POLA1: variants seen among roughly 807,000 people sequenced by gnomAD.
The protein encoded by POLA1 is DNA polymerase alpha catalytic subunit.
In POLA1, 15 loss-of-function variants were observed where a neutral mutation model predicts 124.0. That is an observed-to-expected ratio of 0.12 (90% CI 0.08 to 0.19). The LOEUF is 0.19. POLA1 is among the 10% of genes least tolerant of loss of function. POLA1 has a pLI of 1.00. For synonymous variants in POLA1, 408 were observed against 389.4 expected (o/e 1.05, Z -0.56); for missense variants, 886 against 1,103.4 (o/e 0.80, Z 2.79).
chrX:24,892,874 A>G (rs2047159529), intron 35 of POLA1, among the ~76,000 whole-genome samples: 1 of 111,949 alleles, frequency 8.9e-6, no homozygotes, highest in Non-Finnish European at 1.9e-5. Flanking sequence ...CAGTGAAATG[A>G]CTTCTAGTCC....
chrX:24,853,665 G>A (rs760871460), intron 34 of POLA1, among the ~76,000 whole-genome samples: 37 of 112,098 alleles, frequency 3.3e-4, no homozygotes, highest in African/African-American at 1.1e-3. Flanking sequence ...ATTTGTCGTT[G>A]GTTACAAATA....
At chrX:24,801,924 GGT>G (rs35938897) in intron 26 of POLA1, among the ~76,000 whole-genome samples, 1,341 of 74,493 alleles carry the variant, frequency 0.018, 13 homozygotes, top group South Asian at 0.051. Flanking sequence ...GAGGTGGGTG[GGT>G]GTGTGTGTGT....
At position 24,745,504 on chromosome X, in the gene POLA1, G is replaced by C. The variant is rs1418257140; in HGVS notation, c.2653G>C (p.Val885Leu). 1.3e-5 allele frequency: 15 copies of C among 1,159,128 alleles called. No homozygotes were observed. Among genetic ancestry groups the C allele is most frequent in the African/African-American group, 1.8e-5 (1 of 56,153 alleles). ...GGAATTTAACATTTGTTTTACAACA[G>C]TACAAAGAGTTGCTTCAGAGGCACA... ...IQEFNICFTT[V>L]QRVASEAQKV... is the part of the protein sequence containing the mutation. Residue 885 changes from valine to leucine, a missense_variant, in exon 24 of 37, where the codon GTA (valine) becomes CTA (leucine). Around this residue, in one of 7 missense-constraint regions of POLA1, gnomAD observed 182 missense variants for 252.8 expected, o/e 0.72. Transcript: ENST00000379068.
chrX:24,944,852 A>G (rs1226966480), intron 36 of POLA1, among the ~76,000 whole-genome samples: 3 of 112,433 alleles, frequency 2.7e-5, no homozygotes, highest in African/African-American at 9.7e-5. Context: ...TGTTGTGTTC[A>G]GGAGTTTTAG....
intron 34 of POLA1, among the ~76,000 whole-genome samples, chrX:24,854,610 A>C (rs950318075): frequency 9.0e-6 from 1 of 111,160 alleles, no homozygotes; most frequent in Non-Finnish European, 1.9e-5. Flanking sequence ...CAGGCGGATC[A>C]CCTCACGTCA....
intron 26 of POLA1, 85 bp from the exon 27 acceptor site, chrX:24,809,813 C>A: frequency 1.8e-6 from 1 of 552,000 alleles, no homozygotes; most frequent in South Asian, 3.6e-5. Context: ...AATGGCAAAT[C>A]ATTGAAAGTT....
chrX:24,727,869 C>A lies in POLA1; in HGVS notation c.1619C>A (p.Pro540Gln). The A allele has an allele frequency of 4.1e-6, 5 of 1,208,706 alleles. No individual in the cohort carries two copies. Among genetic ancestry groups the A allele is most frequent in the Non-Finnish European group, 5.6e-6 (5 of 892,650 alleles). ...DLVNVIKDVS[P>Q]PPLVVMAFSM... ...GTGAATGTAATTAAGGATGTCAGTCCACCACCGCTTGTCGTGATGGCTTTC... is the reference window on the plus strand; with the variant it reads ...GTGAATGTAATTAAGGATGTCAGTCAACCACCGCTTGTCGTGATGGCTTTC... The change falls in exon 15 of 37, where the codon CCA (proline) becomes CAA (glutamine). Residue 540 changes from proline to glutamine, a missense_variant. Pro to Gln is a moderately conservative substitution (Grantham distance 76). Coordinates refer to ENST00000379068, the MANE Select transcript of POLA1 (RefSeq NM_001330360.2).
intron 34 of POLA1, among the ~76,000 whole-genome samples, chrX:24,847,918 T>G (rs1011221769): frequency 8.9e-6 from 1 of 112,377 alleles, no homozygotes; most frequent in African/African-American, 3.2e-5. Context: ...TTTAAGGTCA[T>G]GAAAGCCATG....
At chrX:24,905,673 CT>C (rs1958475049) in intron 35 of POLA1, among the ~76,000 whole-genome samples, 1 of 106,624 alleles carries the variant, frequency 9.4e-6, no homozygotes, top group African/African-American at 3.4e-5. Flanking sequence ...AGTGATTCTC[CT>C]GCCTCAGCCT....
At chrX:24,968,150 G>C (rs1160235328) in intron 36 of POLA1, among the ~76,000 whole-genome samples, 1 of 111,252 alleles carries the variant, frequency 9.0e-6, no homozygotes, top group African/African-American at 3.3e-5. Context: ...CATGATGATG[G>C]AATACTCTCT....
At chrX:24,909,144 C>A (rs1319653928) in intron 35 of POLA1, among the ~76,000 whole-genome samples, 1 of 112,039 alleles carries the variant, frequency 8.9e-6, no homozygotes, top group African/African-American at 3.2e-5. Flanking sequence ...AGCCCTTTGT[C>A]AGATGAGTAG....
chrX:24,793,277 C>CAAAAA (rs144419886), intron 26 of POLA1, among the ~76,000 whole-genome samples: 5 of 26,034 alleles, frequency 1.9e-4, no homozygotes, highest in African/African-American at 3.5e-4. Flanking sequence ...GACTCCCTCT[C>CAAAAA]AAAAAAAAAA....
chrX:24,737,050 T>A (rs1401786272), intron 18 of POLA1, among the ~76,000 whole-genome samples: 1 of 112,195 alleles, frequency 8.9e-6, no homozygotes, highest in Non-Finnish European at 1.9e-5. Flanking sequence ...CTATATAGTT[T>A]TGTTTCTTTG....
At chrX:24,854,569 G>A (rs2046616187) in intron 34 of POLA1, among the ~76,000 whole-genome samples, 1 of 111,610 alleles carries the variant, frequency 9.0e-6, no homozygotes, top group Admixed American at 9.5e-5. Flanking sequence ...GGTGGCTCAC[G>A]CCTGTAAGCC....
chrX:24,994,421 G>T (rs2048574731), intron 36 of POLA1, among the ~76,000 whole-genome samples: 1 of 112,635 alleles, frequency 8.9e-6, no homozygotes, highest in African/African-American at 3.2e-5. Context: ...TTTGCTTTCT[G>T]TGAGTGGCGC....
At chrX:24,798,612 TTATATGTATA>T (rs1366165873) in intron 26 of POLA1, among the ~76,000 whole-genome samples, 1 of 111,368 alleles carries the variant, frequency 9.0e-6, no homozygotes, top group Non-Finnish European at 1.9e-5. Flanking sequence ...AGTTTGTTGT[TTATATGTATA>T]TAATACATAT....
intron 34 of POLA1, among the ~76,000 whole-genome samples, chrX:24,883,185 A>G (rs982578563): frequency 9.0e-6 from 1 of 111,580 alleles, no homozygotes; most frequent in African/African-American, 3.3e-5. Context: ...TCACTTTTTA[A>G]TGGGGTTATT....
chrX:24,725,046 C>T (rs1398699114), intron 12 of POLA1, among the ~76,000 whole-genome samples: 1 of 111,056 alleles, frequency 9.0e-6, no homozygotes, highest in Non-Finnish European at 1.9e-5. Flanking sequence ...TTTTGAATTG[C>T]CGCTGATGAG....
intron 26 of POLA1, among the ~76,000 whole-genome samples, chrX:24,770,816 T>C (rs1457047187): frequency 1.8e-5 from 2 of 110,388 alleles, no homozygotes; most frequent in African/African-American, 6.6e-5. Flanking sequence ...TACTCAATAA[T>C]AAGTGTTTGC....
Sources: gnomAD v4.1 joint callset for allele counts (sites outside exome capture counted in the v4.1 genomes callset) on GRCh38, gnomAD v4.1.1 for gene constraint, gnomAD v4.1.1 regional missense constraint, MANE v1.5 for transcripts, NCBI Gene and HGNC (gene_info 2026-07-23, HGNC 2026-07-21) for gene names.